Variants in SEMA3G observed in about 807,000 individuals in gnomAD.
The protein encoded by SEMA3G is semaphorin-3G.
In SEMA3G, 70 loss-of-function variants were observed where a neutral mutation model predicts 86.2. The ratio of observed to expected loss-of-function variants is 0.81; its 90% CI spans 0.67 to 0.99. The LOEUF (loss-of-function observed/expected upper bound fraction) is 0.99. Ranked by LOEUF, SEMA3G falls within the 50% of genes least tolerant of loss-of-function variation. SEMA3G has a pLI of 0.00. For missense variants in SEMA3G, 1,002 were observed against 1,072.4 expected, an observed-to-expected ratio of 0.93 and a Z score of 0.92; for synonymous variants, 416 against 441.4, an observed-to-expected ratio of 0.94 and a Z score of 0.72.
At chr3:52,438,315 C>T in intron 13 of SEMA3G, 116 bp from the exon 14 acceptor site, 1 of 1,400,538 alleles carries the variant, frequency 7.1e-7, no homozygotes, top group Non-Finnish European at 9.7e-7. Context: ...TCTTCCAGAA[C>T]CTCTTGGATT....
chr3:52,444,000 T>G (rs530435354), intron 1 of SEMA3G, among the ~76,000 whole-genome samples: 3 of 152,066 alleles, frequency 2.0e-5, no homozygotes, highest in South Asian at 4.1e-4. Flanking sequence ...GGCTGGGATG[T>G]GCAAAAAGGG....
rs1706109634 is a variant in SEMA3G, at chr3:52,439,738, T to C, written c.1409A>G (p.Gln470Arg). ...SGSVLKVIAL[Q>R]AGGSAEPEEV... The stretch of plus-strand genomic sequence containing the variant: ...CTCAGGTTCAGCTGAGCCCCCTGCC[T>C]GGAGAGCGATGACTTTGAGCACAGA... Residue 470 changes from glutamine (Q) to arginine (R), a missense_variant, in exon 12 of 16, where the codon CAG becomes CGG. Gln to Arg is a conservative substitution (Grantham distance 43, BLOSUM62 1). Coordinates refer to ENST00000231721, the MANE Select transcript of SEMA3G (RefSeq NM_020163.3). 1 of 1,613,950 alleles carries C rather than the reference T, an allele frequency of 6.2e-7. No individual in the cohort carries two copies. The highest frequency in any genetic ancestry group is 1.3e-5 in the African/African-American group (1 of 75,024).
intron 5 of SEMA3G, 50 bp from the exon 6 acceptor site, chr3:52,441,740 C>T (rs769669124): frequency 4.0e-5 from 64 of 1,591,482 alleles, no homozygotes; most frequent in Non-Finnish European, 5.1e-5. Flanking sequence ...CCAGGCCCAG[C>T]AGCCGGGTCC....
intron 15 of SEMA3G, among the ~76,000 whole-genome samples, chr3:52,436,722 G>C (rs934542366): frequency 3.9e-5 from 6 of 152,228 alleles, no homozygotes; most frequent in African/African-American, 1.4e-4. Flanking sequence ...ACCCTGTGTG[G>C]GTTTTAGTCT....
At position 52,433,741 on chromosome 3, in the gene SEMA3G, A is replaced by T. The variant is rs542987161; in HGVS notation, c.*1862T>A. On this transcript the variant is annotated 3_prime_UTR_variant, in exon 16 of 16. Coordinates refer to ENST00000231721, the MANE Select transcript of SEMA3G (RefSeq NM_020163.3). ...TGTCTTTCTGGCCTCCCTAGGGTAG[A>T]GGGCAGAGCTGGCTGCAGCTCTGAT... 6.6e-6 allele frequency: 1 copy of T among 152,560 alleles called. No individual in the cohort carries two copies. Among genetic ancestry groups the T allele is most frequent in the African/African-American group, 2.4e-5 (1 of 41,392 alleles). The allele number at this position is 152,560 out of a possible 1,614,324, so 9.5% of individuals were successfully genotyped here.
rs1037775918 is a variant in SEMA3G at position 52,437,517 on chromosome 3, C to T, written c.1878+10G>A. The T allele has an allele frequency of 1.9e-6, 3 of 1,609,288 alleles. No homozygotes were observed. The Admixed American group carries it at 5.0e-5, about 27-fold the overall frequency. On this transcript the variant is annotated intron_variant, in intron 15 of 15. Transcript: ENST00000231721. The stretch of plus-strand genomic sequence containing the variant: ...ACACAGAGGCTAGAGGCAGGGGTCT[C>T]CTCACTCACCTGGTCAGGCCCCTCA...
At chr3:52,443,446 C>A (rs922674475) in intron 1 of SEMA3G, among the ~76,000 whole-genome samples, 1 of 152,188 alleles carries the variant, frequency 6.6e-6, no homozygotes, top group African/African-American at 2.4e-5. Context: ...TTTCTCCCCA[C>A]AGATGCTGGC....
chr3:52,445,068 C>G lies in SEMA3G; in HGVS notation c.-41G>C, dbSNP rs1044231762. 8.0e-7 allele frequency: 1 copy of G among 1,256,546 alleles called. No homozygotes were observed. Among genetic ancestry groups the G allele is most frequent in the Non-Finnish European group, 1.0e-6 (1 of 995,926 alleles). The allele number at this position is 1,256,546 out of a possible 1,614,324, so 77.8% of individuals were successfully genotyped here. A position where few individuals can be genotyped will look rare whatever the true frequency, so the allele number is the denominator to read the frequency against. ...GCACCGCTGCCGCCTGCCTGCAGAG[C>G]CGCCCTCTGGTCCCGCTGGCCGCCG... On this transcript the variant is annotated 5_prime_UTR_variant, in exon 1 of 16. Coordinates refer to ENST00000231721, the MANE Select transcript of SEMA3G (RefSeq NM_020163.3).
intron 7 of SEMA3G, 59 bp downstream of exon 7, chr3:52,441,205 T>C (rs1706147148): frequency 6.3e-7 from 1 of 1,579,804 alleles, no homozygotes; most frequent in Admixed American, 1.8e-5. Flanking sequence ...GGGAGAAAGG[T>C]CTGGGAATGG....
chr3:52,444,520 T>G (rs981309914), intron 1 of SEMA3G, among the ~76,000 whole-genome samples: 12 of 38,738 alleles, frequency 3.1e-4, no homozygotes, highest in African/African-American at 1.3e-3. Flanking sequence ...GCACACAAAC[T>G]CGGCACACGC....
intron 1 of SEMA3G, among the ~76,000 whole-genome samples, chr3:52,443,883 G>A (rs997863230): frequency 6.6e-6 from 1 of 152,184 alleles, no homozygotes; most frequent in African/African-American, 2.4e-5. Context: ...CACCCCTCTG[G>A]TTTCCTCAGG....
chr3:52,433,596 G>C lies in SEMA3G; in HGVS notation c.*2007C>G, dbSNP rs948953961. ...AGCTGTCCACTTTTTCTAAGTGCAG[G>C]TGTTCGTTGCTGAGGATCTTGTGCT... On this transcript the variant is annotated 3_prime_UTR_variant, in exon 16 of 16. Transcript: ENST00000231721. The C allele has an allele frequency of 6.5e-6, 1 of 152,678 alleles. No homozygotes were observed. Among genetic ancestry groups the C allele is most frequent in the Non-Finnish European group, 1.5e-5 (1 of 68,054 alleles). The allele number at this position is 152,678 out of a possible 1,614,324, so 9.5% of individuals were successfully genotyped here. A position where few individuals can be genotyped will look rare whatever the true frequency, so the allele number is the denominator to read the frequency against.
intron 13 of SEMA3G, 21 bp from the exon 14 acceptor site, chr3:52,438,220 A>G (rs757505706): frequency 6.2e-7 from 1 of 1,600,666 alleles, no homozygotes; most frequent in South Asian, 1.1e-5. Flanking sequence ...ACAGAAGCAG[A>G]GCCTGAGGTG....
In SEMA3G at chr3:52,442,051, T is replaced by C; in HGVS notation, c.459+134A>G. On this transcript the variant is annotated intron_variant, in intron 4 of 15. Transcript: ENST00000231721. This position sits in a 1 kb window ranked among gnomAD's most constrained non-coding sequence, Gnocchi z 6.1. Reference sequence around the variant, plus strand: ...CTCATCCAGGGCCCCTCTAATGGGGTCAGCTCCCCAACACAAAGGCGCCTT... The same window carrying C: ...CTCATCCAGGGCCCCTCTAATGGGGCCAGCTCCCCAACACAAAGGCGCCTT... The C allele has an allele frequency of 5.1e-6, 7 of 1,368,798 alleles. No individual in the cohort carries two copies. In the South Asian group the frequency reaches 9.6e-5, roughly 19 times the overall value. The allele number at this position is 1,368,798 out of a possible 1,614,324, so 84.8% of individuals were successfully genotyped here.
chr3:52,439,371 G>A (rs1324695969), intron 12 of SEMA3G, among the ~76,000 whole-genome samples: 1 of 152,208 alleles, frequency 6.6e-6, no homozygotes, highest in South Asian at 2.1e-4. Context: ...CTTGCAACTT[G>A]AGTCCTACAG....
chr3:52,439,796 C>A, intron 11 of SEMA3G, 25 bp from the exon 12 acceptor site: 6 of 1,611,396 alleles, frequency 3.7e-6, no homozygotes, highest in Non-Finnish European at 4.2e-6. Flanking sequence ...GAGGGGTCAG[C>A]GGGACAGGAG....
At position 52,442,622 on chromosome 3, in the gene SEMA3G, C is replaced by A; in HGVS notation, c.277-1G>T. On this transcript the variant is annotated splice_acceptor_variant, in intron 2 of 15. Coordinates refer to ENST00000231721, the MANE Select transcript of SEMA3G (RefSeq NM_020163.3). LOFTEE classifies it high-confidence loss of function. The surrounding 1 kb of genome is among the most constrained non-coding windows in gnomAD (Gnocchi z 6.1). ...GTCCTGGCTGCGGTGGCCACAGGAC[C>A]TGGAACACAGCCCCGCTGACCTCAG... 6.2e-7 allele frequency: 1 copy of A among 1,614,150 alleles called. No homozygotes were observed. The highest frequency in any genetic ancestry group is 8.5e-7 in the Non-Finnish European group (1 of 1,180,000).
intron 1 of SEMA3G, among the ~76,000 whole-genome samples, chr3:52,443,789 C>G (rs55923131): frequency 2.2e-4 from 34 of 152,334 alleles, no homozygotes; most frequent in African/African-American, 6.7e-4. Flanking sequence ...CCACAGCTCC[C>G]GGAACAAGAC....
At chr3:52,440,686 T>C in intron 9 of SEMA3G, 68 bp downstream of exon 9, 1 of 1,515,860 alleles carries the variant, frequency 6.6e-7, no homozygotes. Flanking sequence ...GAGAGTACAG[T>C]CACAGGTCAC....
Sources: gnomAD v4.1 joint callset for allele counts (sites outside exome capture counted in the v4.1 genomes callset) on GRCh38, gnomAD v4.1.1 for gene constraint, Gnocchi (gnomAD v3.1) non-coding constraint, MANE v1.5 for transcripts, NCBI Gene and HGNC (gene_info 2026-07-23, HGNC 2026-07-21) for gene names.